The following PCNX1 variants were observed in gnomAD, a reference collection of about 807,000 sequenced individuals.
The protein encoded by PCNX1 is pecanex 1, also known as pecanex-like protein 1.
Under a neutral mutation model 242.2 loss-of-function variants are expected in PCNX1, and 78 were observed. The ratio of observed to expected loss-of-function variants is 0.32; its 90% CI spans 0.27 to 0.39. PCNX1 has a LOEUF of 0.39. PCNX1 is among the 10% of genes least tolerant of loss of function. The pLI, the probability that PCNX1 is intolerant of heterozygous loss-of-function variation, is 1.00. For missense variants in PCNX1, 2,581 were observed against 2,856.5 expected, an observed-to-expected ratio of 0.90 and a Z score of 2.20; for synonymous variants, 1,024 against 1,032.9, an observed-to-expected ratio of 0.99 and a Z score of 0.17.
At chr14:71,069,864 A>G (rs989776704) in intron 26 of PCNX1, among the ~76,000 whole-genome samples, 4 of 152,190 alleles carry the variant, frequency 2.6e-5, no homozygotes, top group Non-Finnish European at 5.9e-5. Context: ...AAATCAGACA[A>G]CAATGAAGTT....
intron 18 of PCNX1, among the ~76,000 whole-genome samples, chr14:71,035,686 T>A (rs1312363161): frequency 3.4e-5 from 5 of 148,788 alleles, no homozygotes; most frequent in Non-Finnish European, 7.4e-5. Flanking sequence ...TGGGCGTATA[T>A]CACTTGAGGT....
chr14:71,066,528 T>C (rs1477607783), intron 26 of PCNX1, among the ~76,000 whole-genome samples: 1 of 152,236 alleles, frequency 6.6e-6, no homozygotes, highest in Non-Finnish European at 1.5e-5. Flanking sequence ...TGGGGTTTTC[T>C]AAATATACAA....
At chr14:71,010,494 A>G (rs913778187) in intron 9 of PCNX1, among the ~76,000 whole-genome samples, 1 of 152,024 alleles carries the variant, frequency 6.6e-6, no homozygotes, top group Non-Finnish European at 1.5e-5. Flanking sequence ...CTCATACGTT[A>G]CCTTTAGCTT....
At chr14:70,996,317 T>G (rs530205716) in intron 8 of PCNX1, among the ~76,000 whole-genome samples, 1 of 152,322 alleles carries the variant, frequency 6.6e-6, no homozygotes, top group East Asian at 1.9e-4. Flanking sequence ...AAGTGCTTTC[T>G]AATTGTCTGC....
chr14:70,994,406 T>C (rs1371230733), intron 7 of PCNX1, among the ~76,000 whole-genome samples: 3 of 93,736 alleles, frequency 3.2e-5, no homozygotes, highest in African/African-American at 1.1e-4. Flanking sequence ...GATATATATA[T>C]ATATATATAT....
At chr14:71,103,308 T>C in intron 31 of PCNX1, 87 bp from the exon 32 acceptor site, 1 of 1,398,408 alleles carries the variant, frequency 7.2e-7, no homozygotes, top group Non-Finnish European at 9.9e-7. Context: ...CATAATATCT[T>C]TTGTATTCCT....
chr14:71,114,553 T>C lies in PCNX1; in HGVS notation c.*4618T>C, dbSNP rs1293076707. The C allele has an allele frequency of 6.6e-6, 1 of 152,650 alleles. No homozygotes were observed. Among genetic ancestry groups the C allele is most frequent in the African/African-American group, 2.4e-5 (1 of 41,458 alleles). The allele number at this position is 152,650 out of a possible 1,614,324, so 9.5% of individuals were successfully genotyped here. A position where few individuals can be genotyped will look rare whatever the true frequency, so the allele number is the denominator to read the frequency against. ...AATTAAGATAACTTCTATTTGTGAG[T>C]TGAACTTCATTATCTGCCATTTTGT... On this transcript the variant is annotated 3_prime_UTR_variant, in exon 36 of 36. Coordinates refer to ENST00000304743, the MANE Select transcript of PCNX1 (RefSeq NM_014982.3).
chr14:71,067,027 A>G (rs909067546), intron 26 of PCNX1, among the ~76,000 whole-genome samples: 6 of 145,784 alleles, frequency 4.1e-5, no homozygotes. Flanking sequence ...CTTATTGAGG[A>G]TTTTCTCATT....
At chr14:71,015,463 T>G (rs2059937474) in intron 11 of PCNX1, among the ~76,000 whole-genome samples, 1 of 152,200 alleles carries the variant, frequency 6.6e-6, no homozygotes, top group Non-Finnish European at 1.5e-5. Context: ...GTTTCTTATA[T>G]GTAAAGTGAT....
At chr14:70,923,107 C>CGT (rs1555339803) in intron 1 of PCNX1, among the ~76,000 whole-genome samples, 2 of 151,638 alleles carry the variant, frequency 1.3e-5, no homozygotes, top group African/African-American at 4.8e-5. Context: ...GACACACACA[C>CGT]GTCTTTTTTC....
intron 30 of PCNX1, among the ~76,000 whole-genome samples, chr14:71,091,114 G>A (rs995560177): frequency 2.6e-5 from 4 of 152,168 alleles, no homozygotes; most frequent in South Asian, 2.1e-4. Context: ...GAGAGGAAGT[G>A]GAGAATGTAA....
In PCNX1 at chr14:71,113,750, ATATT is replaced by A. The variant is rs1264354298; in HGVS notation, c.*3818_*3821del. 2 of 152,220 alleles carry A rather than the reference ATATT, an allele frequency of 1.3e-5. No individual in the cohort carries two copies. Among genetic ancestry groups the A allele is most frequent in the African/African-American group, 4.8e-5 (2 of 41,458 alleles). The allele number at this position is 152,220 out of a possible 1,614,324, so 9.4% of individuals were successfully genotyped here. On this transcript the variant is annotated 3_prime_UTR_variant, in exon 36 of 36. Transcript: ENST00000304743. ...GATTTTGTCAGAATTCTTTGAATTT[ATATT>A]TACTAGCTACTTAACCATAAACTGC... is the stretch of plus-strand genomic sequence containing the variant.
intron 1 of PCNX1, among the ~76,000 whole-genome samples, chr14:70,926,080 T>C (rs958958484): frequency 6.6e-6 from 1 of 152,206 alleles, no homozygotes; most frequent in African/African-American, 2.4e-5. Context: ...TGGCTCTCCT[T>C]CTTGACCAAC....
In PCNX1 at chr14:70,988,685, C is replaced by T. The variant is rs372546535; in HGVS notation, c.2430C>T (p.Ile810=). 177 of 1,613,722 alleles carry T rather than the reference C, an allele frequency of 1.1e-4. No individual in the cohort carries two copies. The highest frequency in any genetic ancestry group is 1.0e-4 in the Non-Finnish European group (123 of 1,179,836). ...GSNPTPPTLL[I]GSPLSLQDGQ... ...ACCCTACCCCTCCTACATTGCTCAT[C>T]GGATCACCCCTAAGGTATGGTATTT... Residue 810 remains isoleucine (I), a synonymous_variant, in exon 7 of 36, where the codon ATC becomes ATT. Coordinates refer to ENST00000304743, the MANE Select transcript of PCNX1 (RefSeq NM_014982.3).
At position 70,969,025 on chromosome 14, in the gene PCNX1, T is replaced by G; in HGVS notation, c.519T>G (p.Asp173Glu). Reference sequence around the variant, plus strand: ...ATGTTTCTCTTAACTTTGTAGGAGATACAGACACTGCTAAGACTTCTGATG... The same window carrying G: ...ATGTTTCTCTTAACTTTGTAGGAGAGACAGACACTGCTAAGACTTCTGATG... ...RLGTAATIKG[D>E]TDTAKTSDDI... is the part of the protein sequence containing the mutation. The change falls in exon 5 of 36, where the codon GAT (aspartate) becomes GAG (glutamate). Residue 173 changes from aspartate (D) to glutamate (E), a missense_variant. By Grantham distance (45) the Asp-to-Glu change is conservative. Coordinates refer to ENST00000304743, the MANE Select transcript of PCNX1 (RefSeq NM_014982.3). The G allele has an allele frequency of 1.3e-6, 2 of 1,592,370 alleles. No homozygotes were observed. Among genetic ancestry groups the G allele is most frequent in the Non-Finnish European group, 1.7e-6 (2 of 1,160,354 alleles).
At chr14:71,012,613 C>T (rs995933505) in intron 10 of PCNX1, 1 of 260,950 alleles carries the variant, frequency 3.8e-6, no homozygotes, top group South Asian at 4.0e-5. Flanking sequence ...GGGTGGATCA[C>T]GAGGTCAAGA....
At chr14:70,946,829 G>T in intron 1 of PCNX1, 86 bp from the exon 2 acceptor site, 1 of 991,608 alleles carries the variant, frequency 1.0e-6, no homozygotes, top group East Asian at 2.6e-5. Context: ...GTGTAAATGT[G>T]TTTATTATTT....
At chr14:71,037,931 C>T (rs1408520004) in intron 19 of PCNX1, among the ~76,000 whole-genome samples, 6 of 135,508 alleles carry the variant, frequency 4.4e-5, no homozygotes, top group African/African-American at 8.5e-5. Flanking sequence ...GTATCTACAA[C>T]TATCTGATCT....
At chr14:71,072,825 A>T (rs933330811) in intron 26 of PCNX1, among the ~76,000 whole-genome samples, 2 of 152,144 alleles carry the variant, frequency 1.3e-5, no homozygotes, top group African/African-American at 4.8e-5. Flanking sequence ...TCTATATTTA[A>T]TCTGTTTTTG....
Sources: gnomAD v4.1 joint callset for allele counts (sites outside exome capture counted in the v4.1 genomes callset) on GRCh38, gnomAD v4.1.1 for gene constraint, MANE v1.5 for transcripts, NCBI Gene and HGNC (gene_info 2026-07-23, HGNC 2026-07-21) for gene names.